FAM3D: variants seen among roughly 807,000 people sequenced by gnomAD.
FAM3D encodes the protein protein FAM3D.
In FAM3D, 26 loss-of-function variants were observed where a neutral mutation model predicts 29.8. That is an observed-to-expected ratio of 0.87 (90% CI 0.64 to 1.21). FAM3D has a LOEUF of 1.21. FAM3D is among the 50% of genes most tolerant of loss of function. FAM3D has a pLI of 0.00. For missense variants in FAM3D, 253 were observed against 290.9 expected (o/e 0.87, Z 0.95); for synonymous variants, 115 against 102.3 (o/e 1.12, Z -0.75).
Position 58,646,010 on chromosome 3 carries a change from C to T in FAM3D, c.146-384G>A, listed in dbSNP as rs531430063. ...CCCCAGAGGCCCCTGTTGAGAACTCCCAGGGACCCTGGCGGGGTGAGTGGG... is the reference window on the plus strand; with the variant it reads ...CCCCAGAGGCCCCTGTTGAGAACTCTCAGGGACCCTGGCGGGGTGAGTGGG... On this transcript the variant is annotated intron_variant, in intron 4 of 9. Transcript: ENST00000358781. 3.6e-4 allele frequency among the ~76,000 whole-genome samples: 55 copies of T among 152,306 alleles called. 1 individual carries two copies. Among genetic ancestry groups the T allele is most frequent in the African/African-American group, 1.2e-3 (50 of 41,572 alleles).
chr3:58,638,542 A>G (rs561570575), intron 7 of FAM3D, among the ~76,000 whole-genome samples: 6 of 152,360 alleles, frequency 3.9e-5, no homozygotes, highest in Admixed American at 2.6e-4. Context: ...TTGGCAGCAT[A>G]ATTTTCAGGA....
intron 1 of FAM3D, among the ~76,000 whole-genome samples, chr3:58,656,602 G>T (rs750462673): frequency 3.3e-5 from 5 of 152,152 alleles, no homozygotes; most frequent in Admixed American, 1.3e-4. Context: ...AGGACAGGAG[G>T]TCTTTGGTCC....
At chr3:58,651,817 C>A (rs997739460) in intron 3 of FAM3D, among the ~76,000 whole-genome samples, 3 of 120,058 alleles carry the variant, frequency 2.5e-5, no homozygotes, top group African/African-American at 9.7e-5. Flanking sequence ...GTAAAAGCAG[C>A]GATCCTGGGT....
intron 5 of FAM3D, 124 bp downstream of exon 5, chr3:58,645,385 G>T: frequency 1.6e-6 from 1 of 628,208 alleles, no homozygotes. Context: ...CACACACCCA[G>T]AGTGAAAGGG....
At chr3:58,636,011 T>G (rs1180855263) in intron 9 of FAM3D, among the ~76,000 whole-genome samples, 1 of 152,240 alleles carries the variant, frequency 6.6e-6, no homozygotes, top group Non-Finnish European at 1.5e-5. Context: ...CCTTCATGCC[T>G]CACTTGCCCA....
chr3:58,655,537 A>G lies in FAM3D; in HGVS notation c.13+14T>C. The G allele has an allele frequency of 6.2e-7, 1 of 1,613,362 alleles. No homozygotes were observed. The highest frequency in any genetic ancestry group is 1.1e-5 in the South Asian group (1 of 90,880). ...TGACAGAAAAATGACTCCAAAACCA[A>G]TTTCAGAGCCTACCTGACACTCTCA... On this transcript the variant is annotated intron_variant, in intron 2 of 9. Coordinates refer to ENST00000358781, the MANE Select transcript of FAM3D (RefSeq NM_138805.3).
At position 58,640,281 on chromosome 3, in the gene FAM3D, A is replaced by G. The variant is rs1045103461; in HGVS notation, c.323-104T>C. ...GTAGTCTAAGATCTAAAAACAGAAT[A>G]AGAATCTAATGAAATCAGGTCCTAT... On this transcript the variant is annotated intron_variant, in intron 6 of 9. Coordinates refer to ENST00000358781, the MANE Select transcript of FAM3D (RefSeq NM_138805.3). 3.8e-6 allele frequency: 5 copies of G among 1,322,564 alleles called. No homozygotes were observed. In the African/African-American group the frequency reaches 5.8e-5, roughly 15 times the overall value. 81.9% of individuals were successfully genotyped at this position (1,322,564 alleles called of 1,614,324 possible). A position where few individuals can be genotyped will look rare whatever the true frequency, so the allele number is the denominator to read the frequency against.
In FAM3D at chr3:58,640,197, C is replaced by G; in HGVS notation, c.323-20G>C. 6.2e-7 allele frequency: 1 copy of G among 1,613,804 alleles called. No homozygotes were observed. The highest frequency in any genetic ancestry group is 8.5e-7 in the Non-Finnish European group (1 of 1,179,702). On this transcript the variant is annotated intron_variant, in intron 6 of 9. Transcript: ENST00000358781. The stretch of plus-strand genomic sequence containing the variant: ...TGGTTCCTAGGGGTTAAGAGGAGAA[C>G]GATTATCCCCTGTAACACGTGTCAT...
At chr3:58,643,528 T>TC in intron 6 of FAM3D, 134 bp downstream of exon 6, 1 of 972,776 alleles carries the variant, frequency 1.0e-6, no homozygotes. Flanking sequence ...CAGCCACGCT[T>TC]CCCCTCCTGA....
chr3:58,638,565 T>G (rs530502684), intron 7 of FAM3D, among the ~76,000 whole-genome samples: 1 of 152,366 alleles, frequency 6.6e-6, no homozygotes, highest in South Asian at 2.1e-4. Flanking sequence ...CAGTGCAGAA[T>G]GAAAATGCAG....
intron 6 of FAM3D, among the ~76,000 whole-genome samples, chr3:58,641,158 G>A (rs1220314870): frequency 2.6e-5 from 4 of 152,164 alleles, no homozygotes; most frequent in East Asian, 3.9e-4. Flanking sequence ...ATATAGATGA[G>A]GACACTGAGC....
At chr3:58,661,293 G>A (rs1411031208) in intron 1 of FAM3D, among the ~76,000 whole-genome samples, 1 of 152,164 alleles carries the variant, frequency 6.6e-6, no homozygotes, top group African/African-American at 2.4e-5. Flanking sequence ...CAAGGTGAGG[G>A]AGAAGGGAGC....
At chr3:58,644,252 T>A (rs1411609759) in intron 5 of FAM3D, among the ~76,000 whole-genome samples, 2 of 152,166 alleles carry the variant, frequency 1.3e-5, no homozygotes, top group Admixed American at 6.5e-5. Context: ...CTGGCTGATA[T>A]GGTTTGGCTG....
chr3:58,665,818 T>C (rs963623764), intron 1 of FAM3D, among the ~76,000 whole-genome samples: 1 of 152,236 alleles, frequency 6.6e-6, no homozygotes, highest in Non-Finnish European at 1.5e-5. Context: ...TGTTATTATA[T>C]GGAGAGCACT....
At chr3:58,640,615 C>T (rs140437574) in intron 6 of FAM3D, among the ~76,000 whole-genome samples, 4,208 of 152,316 alleles carry the variant, frequency 0.028, 76 homozygotes, top group South Asian at 0.076. Context: ...AAATAGAAAA[C>T]CTACAACTGG....
intron 6 of FAM3D, among the ~76,000 whole-genome samples, chr3:58,641,427 C>T (rs1180297558): frequency 6.6e-6 from 1 of 151,748 alleles, no homozygotes; most frequent in African/African-American, 2.4e-5. Context: ...GTGGTGTGAG[C>T]TTGGCTGACT....
rs755247033 is a variant in FAM3D at position 58,645,501 on chromosome 3, G to A, written c.263+8C>T. ...TAAAATAAACATAGTTGTGTCTTAG[G>A]TACTTACATGCGGTCTTCAAAGCAC... On this transcript the variant is annotated splice_region_variant and intron_variant, in intron 5 of 9. Coordinates refer to ENST00000358781, the MANE Select transcript of FAM3D (RefSeq NM_138805.3). The A allele has an allele frequency of 6.3e-6, 10 of 1,586,918 alleles. No homozygotes were observed. Among genetic ancestry groups the A allele is most frequent in the Non-Finnish European group, 7.8e-6 (9 of 1,159,064 alleles).
At chr3:58,638,386 G>C (rs1441731367) in intron 7 of FAM3D, among the ~76,000 whole-genome samples, 2 of 152,222 alleles carry the variant, frequency 1.3e-5, no homozygotes, top group African/African-American at 4.8e-5. Context: ...TTGGGAACAA[G>C]CAGCCTAGTG....
At chr3:58,657,757 C>T (rs941054708) in intron 1 of FAM3D, 1 of 152,386 alleles carries the variant, frequency 6.6e-6, no homozygotes, top group African/African-American at 2.4e-5. Flanking sequence ...GGAGCTGGGG[C>T]CCAGGACTGG....
Sources: allele counts gnomAD v4.1 joint callset (sites outside exome capture counted in the v4.1 genomes callset), GRCh38; gene constraint gnomAD v4.1.1; transcripts MANE v1.5; gene names NCBI Gene and HGNC (gene_info 2026-07-23, HGNC 2026-07-21).